Variants in P4HA3 observed in about 807,000 individuals in gnomAD.
P4HA3 encodes the protein prolyl 4-hydroxylase subunit alpha 3, also known as prolyl 4-hydroxylase subunit alpha-3.
In P4HA3, 60 loss-of-function variants were observed where a neutral mutation model predicts 66.7. The ratio of observed to expected loss-of-function variants is 0.90; its 90% confidence interval spans 0.73 to 1.12. The LOEUF is 1.12. P4HA3 is among the 50% of genes most tolerant of loss of function. The pLI is 0.00. For synonymous variants in P4HA3, 263 were observed against 274.6 expected (o/e 0.96, Z 0.42); for missense variants, 683 against 685.8 (o/e 1.00, Z 0.05).
At chr11:74,288,978 T>C (rs1285785928) in intron 5 of P4HA3, 101 bp downstream of exon 5, 2 of 681,268 alleles carry the variant, frequency 2.9e-6, no homozygotes, top group African/African-American at 2.0e-5. Context: ...ATAATAAAGA[T>C]AGATAGCTGT....
Position 74,267,069 on chromosome 11 carries a change from A to T in P4HA3, c.*179T>A, listed in dbSNP as rs773355869. The stretch of plus-strand genomic sequence containing the variant: ...TCCGTGGCTGGGGCAGATCAAATGT[A>T]CATTCTCAGTGTCCCCTGGTAACAA... On this transcript the variant is annotated 3_prime_UTR_variant, in exon 13 of 13. Transcript: ENST00000331597. 6.5e-7 allele frequency: 1 copy of T among 1,537,004 alleles called. No individual in the cohort carries two copies. The highest frequency in any genetic ancestry group is 1.4e-5 in the African/African-American group (1 of 73,078).
At chr11:74,280,234 G>A (rs529283253) in intron 7 of P4HA3, among the ~76,000 whole-genome samples, 23 of 151,988 alleles carry the variant, frequency 1.5e-4, no homozygotes, top group Middle Eastern at 3.4e-3. Flanking sequence ...GCTCACTACA[G>A]CCTCCAACTC....
downstream of P4HA3, among the ~76,000 whole-genome samples, chr11:74,264,231 C>A (rs1859954653): frequency 1.3e-5 from 2 of 152,172 alleles, no homozygotes; most frequent in African/African-American, 2.4e-5. Flanking sequence ...AGCCACTAAC[C>A]ATTCCTACCT....
rs141903087 is a variant in P4HA3 at position 74,271,582 on chromosome 11, G to A, written c.1399-1862C>T. Among the ~76,000 whole-genome samples, 11 of 151,730 alleles carry A rather than the reference G, an allele frequency of 7.2e-5. No individual in the cohort carries two copies. The East Asian group carries it at 9.7e-4, about 13-fold the overall frequency. The stretch of plus-strand genomic sequence containing the variant: ...TCACTATGTTACCCAGGCTGGACTC[G>A]AACTGCTGGGCTCAAGCGATCTTCT... On this transcript the variant is annotated intron_variant, in intron 10 of 12. Coordinates refer to ENST00000331597, the MANE Select transcript of P4HA3 (RefSeq NM_182904.5).
At chr11:74,250,583 T>G (rs762139107) in intron 15 of P4HA3, 1 of 176,726 alleles carries the variant, frequency 5.7e-6, no homozygotes, top group Non-Finnish European at 1.2e-5. Flanking sequence ...CCCTTTCTTA[T>G]GCTCTTACAG....
In P4HA3 at chr11:74,286,275, G is replaced by T. The variant is rs904793916; in HGVS notation, c.886C>A (p.Gln296Lys). 1.2e-6 allele frequency: 2 copies of T among 1,613,124 alleles called. No individual in the cohort carries two copies. The highest frequency in any genetic ancestry group is 1.7e-6 in the Non-Finnish European group (2 of 1,179,690). The change falls in exon 6 of 13, where the codon CAG (glutamine) becomes AAG (lysine). Residue 296 changes from glutamine to lysine, a missense_variant. By Grantham distance (53) the Gln-to-Lys change is moderately conservative. Transcript: ENST00000331597. The part of the protein sequence containing the change: ...VIQRPNIPHL[Q>K]TRDTYEGLCQ... ...AGCCCCTCGTAGGTGTCTCTGGTCTGCAGGTGGGGTATATTGGGCCTCTGG... is the reference window on the plus strand; with the variant it reads ...AGCCCCTCGTAGGTGTCTCTGGTCTTCAGGTGGGGTATATTGGGCCTCTGG...
chr11:74,276,583 G>A (rs535362095), intron 9 of P4HA3, among the ~76,000 whole-genome samples: 9 of 151,894 alleles, frequency 5.9e-5, no homozygotes, highest in Admixed American at 1.3e-4. Flanking sequence ...AAATAAATAC[G>A]TAAATAAAAA....
chr11:74,270,570 T>C (rs904459297), intron 10 of P4HA3, among the ~76,000 whole-genome samples: 1 of 152,236 alleles, frequency 6.6e-6, no homozygotes, highest in African/African-American at 2.4e-5. Context: ...GGGCACTGAC[T>C]ATATGCTAAA....
chr11:74,310,601 G>A lies in P4HA3; in HGVS notation c.200+811C>T, dbSNP rs76593831. On this transcript the variant is annotated intron_variant, in intron 1 of 12. Transcript: ENST00000331597. ...ATGGTGCTACAGACCCAAACTCCTC[G>A]AGGGCAGAGTTGGCTCTTGATCACC... 7.1e-4 allele frequency among the ~76,000 whole-genome samples: 108 copies of A among 152,324 alleles called. 1 individual carries two copies. The highest frequency in any genetic ancestry group is 2.4e-3 in the African/African-American group (98 of 41,560).
downstream of P4HA3, among the ~76,000 whole-genome samples, chr11:74,264,965 A>G (rs1192424516): frequency 6.6e-6 from 1 of 152,206 alleles, no homozygotes; most frequent in Non-Finnish European, 1.5e-5. Flanking sequence ...CTCAGACATT[A>G]AAAGCACAAG....
intron 4 of P4HA3, among the ~76,000 whole-genome samples, chr11:74,297,421 G>A (rs1861259727): frequency 6.6e-6 from 1 of 152,184 alleles, no homozygotes; most frequent in Non-Finnish European, 1.5e-5. Flanking sequence ...GAAAAAAAAG[G>A]TAGGGAGCAG....
intron 15 of P4HA3, among the ~76,000 whole-genome samples, chr11:74,257,207 C>T (rs369800066): frequency 6.6e-6 from 1 of 152,168 alleles, no homozygotes; most frequent in East Asian, 1.9e-4. Context: ...TCACTGCAAC[C>T]TCTGCCTCCC....
rs1174264895 is a variant in P4HA3, at chr11:74,285,954, C to G, written c.965G>C (p.Cys322Ser). The G allele has an allele frequency of 6.2e-7, 1 of 1,610,446 alleles. No homozygotes were observed. Among genetic ancestry groups the G allele is most frequent in the Non-Finnish European group, 8.5e-7 (1 of 1,176,786 alleles). The change falls in exon 7 of 13, where the codon TGT becomes TCT. Residue 322 changes from cysteine to serine, a missense_variant. By Grantham distance (112) the Cys-to-Ser change is moderately radical. Transcript: ENST00000331597. ...PTLYQIPSLYCSYETNSNAYL... is the reference protein window; with the variant it reads ...PTLYQIPSLYSSYETNSNAYL... ...GGCGTTGGAATTGGTCTCATAGGAA[C>G]AGTAGAGGCTAGGGATCTGGTAGAG...
chr11:74,308,608 C>T (rs12146503), intron 1 of P4HA3, among the ~76,000 whole-genome samples: 43,240 of 151,926 alleles, frequency 0.28, 6,370 homozygotes, highest in Non-Finnish European at 0.33. Flanking sequence ...TGACAGTCTT[C>T]AAAATATCAA....
chr11:74,251,476 G>T, intron 15 of P4HA3: 1 of 1,433,104 alleles, frequency 7.0e-7, no homozygotes, highest in Non-Finnish European at 9.1e-7. Flanking sequence ...TAGTGGGGAG[G>T]AGTCTTCTAG....
rs371323453 is a variant in P4HA3, at chr11:74,297,028, C to T, written c.717+1184G>A. Among the ~76,000 whole-genome samples, 29 of 150,374 alleles carry T rather than the reference C, an allele frequency of 1.9e-4. No individual in the cohort carries two copies. In the South Asian group the frequency reaches 6.1e-3, roughly 32 times the overall value. On this transcript the variant is annotated intron_variant, in intron 4 of 12. Coordinates refer to ENST00000331597, the MANE Select transcript of P4HA3 (RefSeq NM_182904.5). ...CTCACCACAACTTCCACCTCTCGGG[C>T]TCAAGCGATTCTCCTGCCTCAGCCT...
intron 9 of P4HA3, 134 bp from the exon 10 acceptor site, chr11:74,273,741 T>G (rs1016477393): frequency 1.7e-6 from 1 of 580,352 alleles, no homozygotes; most frequent in Non-Finnish European, 2.6e-6. Flanking sequence ...ATACACCTAC[T>G]GGAGTATGTG....
In P4HA3 at chr11:74,311,551, G is replaced by T; in HGVS notation, c.61C>A (p.Pro21Thr). The change falls in exon 1 of 13, where the codon CCA becomes ACA. Residue 21 changes from proline to threonine, a missense_variant. By Grantham distance (38) the Pro-to-Thr change is conservative. Transcript: ENST00000331597. ...TCGCCCCGAGCCGCAGCCCTTTCTG[G>T]GTCTCCTGTCCCGAGCGCCAGCACC... Reference protein sequence around the residue: ...LAVLALGTGDPERAAARGDTF... With the variant: ...LAVLALGTGDTERAAARGDTF... The T allele has an allele frequency of 1.3e-6, 2 of 1,552,026 alleles. No individual in the cohort carries two copies. Among genetic ancestry groups the T allele is most frequent in the Non-Finnish European group, 1.7e-6 (2 of 1,158,836 alleles).
At chr11:74,284,313 C>A (rs74996966) in intron 7 of P4HA3, among the ~76,000 whole-genome samples, 6 of 152,158 alleles carry the variant, frequency 3.9e-5, no homozygotes, top group Non-Finnish European at 5.9e-5. Flanking sequence ...TGCAGTAGTG[C>A]CCACATGCTT....
Sources: gnomAD v4.1 joint callset for allele counts (sites outside exome capture counted in the v4.1 genomes callset) on GRCh38, gnomAD v4.1.1 for gene constraint, MANE v1.5 for transcripts, NCBI Gene and HGNC (gene_info 2026-07-23, HGNC 2026-07-21) for gene names.